The following USP22 variants were observed in gnomAD, a reference collection of about 807,000 sequenced individuals.
USP22 encodes the protein ubiquitin specific peptidase 22, also known as ubiquitin carboxyl-terminal hydrolase 22.
USP22 carries 22 observed loss-of-function variants against 68.1 expected under a neutral mutation model. The ratio of observed to expected loss-of-function variants is 0.32; its 90% CI spans 0.23 to 0.46. The LOEUF (loss-of-function observed/expected upper bound fraction) is 0.46. Among genes scored for constraint, USP22 ranks in the 20% least tolerant of loss-of-function variants. USP22 has a pLI of 1.00. For synonymous variants in USP22, 279 were observed against 274.2 expected (o/e 1.02, Z -0.17); for missense variants, 433 against 695.8 (o/e 0.62, Z 4.25).
At chr17:21,022,777 C>A (rs1597696149) in intron 2 of USP22, among the ~76,000 whole-genome samples, 1 of 132,762 alleles carries the variant, frequency 7.5e-6, no homozygotes. Context: ...CCAGCCTGGG[C>A]AACAGAGCGA....
chr17:21,043,075 G>A (rs564084224), upstream of USP22: 467 of 236,340 alleles, frequency 2.0e-3, 6 homozygotes, highest in African/African-American at 0.01. Context: ...GCGGTTCGCG[G>A]AGGGTGTCGC....
chr17:21,027,617 T>C lies in USP22; in HGVS notation c.304+925A>G, dbSNP rs367704216. Among the ~76,000 whole-genome samples, 40 of 152,314 alleles carry C rather than the reference T, an allele frequency of 2.6e-4. 1 individual carries two copies. In the South Asian group the frequency reaches 8.1e-3, roughly 31 times the overall value. On this transcript the variant is annotated intron_variant, in intron 2 of 12. Coordinates refer to ENST00000261497, the MANE Select transcript of USP22 (RefSeq NM_015276.2). The stretch of plus-strand genomic sequence containing the variant: ...TCTGAAGGATATCCTGCCAACTCCA[T>C]GAGCATTCCAAGGAAAACACTACTG...
chr17:21,007,265 A>C (rs1792640456), intron 9 of USP22, among the ~76,000 whole-genome samples: 1 of 152,198 alleles, frequency 6.6e-6, no homozygotes, highest in African/African-American at 2.4e-5. Context: ...AAAGCACAGA[A>C]AACAAAACAA....
In USP22 at chr17:21,017,161, C is replaced by A. The variant is rs578070172; in HGVS notation, c.690+781G>T. On this transcript the variant is annotated intron_variant, in intron 5 of 12. Coordinates refer to ENST00000261497, the MANE Select transcript of USP22 (RefSeq NM_015276.2). The stretch of plus-strand genomic sequence containing the variant: ...CTTTGCAGGTTGGATAGCCTCTGTC[C>A]AACTGCTCAACTCTGTGGCTGTCCC... 5.9e-5 allele frequency among the ~76,000 whole-genome samples: 9 copies of A among 152,278 alleles called. No individual in the cohort carries two copies. The South Asian group carries it at 1.9e-3, about 32-fold the overall frequency.
At chr17:21,043,305 C>CA (rs1413514001), upstream of USP22, 5 of 68,610 alleles carry the variant, frequency 7.3e-5, no homozygotes, top group African/African-American at 2.5e-4. Flanking sequence ...GGCCACCCCC[C>CA]CCCCCCCCCC....
At chr17:21,004,016 C>A (rs1913690093) in intron 12 of USP22, among the ~76,000 whole-genome samples, 186 bp downstream of exon 12, 1 of 152,176 alleles carries the variant, frequency 6.6e-6, no homozygotes, top group Non-Finnish European at 1.5e-5. Flanking sequence ...TTTGCTCAGG[C>A]ACCTCTTCTC....
intron 4 of USP22, chr17:21,018,399 A>C: frequency 7.7e-6 from 2 of 260,936 alleles, no homozygotes; most frequent in Non-Finnish European, 7.2e-6. Flanking sequence ...GTGAAGCCTA[A>C]TGAACAAACA....
rs1202248059 is a variant in USP22 at position 21,001,605 on chromosome 17, G to C, written c.*1426C>G. The C allele has an allele frequency of 6.6e-6, 1 of 152,148 alleles. No homozygotes were observed. Among genetic ancestry groups the C allele is most frequent in the Non-Finnish European group, 1.5e-5 (1 of 68,040 alleles). 9.4% of individuals were successfully genotyped at this position (152,148 alleles called of 1,614,324 possible). A position where few individuals can be genotyped will look rare whatever the true frequency, so the allele number is the denominator to read the frequency against. The stretch of plus-strand genomic sequence containing the variant: ...AGCCAACAGTGTTTACTCCCTGGCT[G>C]TCTATGAAAACATCTGCCCACCGCT... On this transcript the variant is annotated 3_prime_UTR_variant, in exon 13 of 13. Transcript: ENST00000261497.
At chr17:21,003,711 G>C (rs1019225907) in intron 12 of USP22, among the ~76,000 whole-genome samples, 1 of 152,080 alleles carries the variant, frequency 6.6e-6, no homozygotes, top group African/African-American at 2.4e-5. Flanking sequence ...AAACCAGCCT[G>C]GTCAACATGG....
chr17:21,016,044 T>C, intron 5 of USP22, 145 bp from the exon 6 acceptor site: 1 of 1,137,392 alleles, frequency 8.8e-7, no homozygotes, highest in Non-Finnish European at 1.2e-6. Flanking sequence ...TTTCTACTTT[T>C]TGCAAAGTCT....
chr17:21,006,270 G>A (rs1201975791), intron 10 of USP22, among the ~76,000 whole-genome samples: 1 of 152,196 alleles, frequency 6.6e-6, no homozygotes, highest in Non-Finnish European at 1.5e-5. Flanking sequence ...ATCTACAACT[G>A]CAAAACCAAC....
chr17:21,005,136 A>C (rs1459112723), intron 10 of USP22, 146 bp from the exon 11 acceptor site: 5 of 912,622 alleles, frequency 5.5e-6, no homozygotes, highest in Non-Finnish European at 6.7e-6. Flanking sequence ...AAATCTCCCC[A>C]TGTTTCGTGA....
rs1020777067 is a variant in USP22 at position 21,002,839 on chromosome 17, G to A, written c.*192C>T. The A allele has an allele frequency of 4.7e-6, 3 of 633,956 alleles. No individual in the cohort carries two copies. The highest frequency in any genetic ancestry group is 1.8e-5 in the African/African-American group (1 of 54,672). 39.3% of individuals were successfully genotyped at this position (633,956 alleles called of 1,614,324 possible). On this transcript the variant is annotated 3_prime_UTR_variant, in exon 13 of 13. Coordinates refer to ENST00000261497, the MANE Select transcript of USP22 (RefSeq NM_015276.2). Reference sequence around the variant, plus strand: ...TCATCCATCTTCAAAGCAGCTCCAGGAGCCTCCCCGTCCGTGTGGTCCATC... The same window carrying A: ...TCATCCATCTTCAAAGCAGCTCCAGAAGCCTCCCCGTCCGTGTGGTCCATC...
At chr17:21,029,405 A>G (rs1454063198) in intron 1 of USP22, among the ~76,000 whole-genome samples, 1 of 152,122 alleles carries the variant, frequency 6.6e-6, no homozygotes, top group Admixed American at 6.5e-5. Flanking sequence ...TACACCTACT[A>G]TGTACCCATC....
intron 4 of USP22, 77 bp from the exon 5 acceptor site, chr17:21,018,188 C>CT: frequency 7.2e-7 from 1 of 1,385,826 alleles, no homozygotes. Context: ...GCGGCTTCCT[C>CT]TACCTCTACA....
chr17:21,015,963 C>CA, intron 5 of USP22, 64 bp from the exon 6 acceptor site: 1 of 1,559,428 alleles, frequency 6.4e-7, no homozygotes, highest in Non-Finnish European at 8.7e-7. Context: ...ACAGAGTACA[C>CA]ACAATCAAAA....
Position 21,042,720 on chromosome 17 carries a change from C to A in USP22, c.116G>T (p.Arg39Leu). 1 of 1,459,226 alleles carries A rather than the reference C, an allele frequency of 6.9e-7. No homozygotes were observed. The highest frequency in any genetic ancestry group is 9.1e-7 in the Non-Finnish European group (1 of 1,100,032). The allele number at this position is 1,459,226 out of a possible 1,614,324, so 90.4% of individuals were successfully genotyped here. A position where few individuals can be genotyped will look rare whatever the true frequency, so the allele number is the denominator to read the frequency against. ...CCACACGAAGCACTGGTAGATGGCC[C>A]GCAGGTTCTGCTTCCAGTTGTCCAC... ...FKVDNWKQNL[R>L]AIYQCFVWSG... Residue 39 changes from arginine (R) to leucine (L), a missense_variant, in exon 1 of 13, where the codon CGG becomes CTG. Physicochemically the swap from Arg to Leu is moderately radical, Grantham distance 102 (BLOSUM62 -2). Transcript: ENST00000261497.
At chr17:21,036,855 G>A (rs971596796) in intron 1 of USP22, among the ~76,000 whole-genome samples, 2 of 152,156 alleles carry the variant, frequency 1.3e-5, no homozygotes, top group Non-Finnish European at 2.9e-5. Flanking sequence ...AAGAAGCCAG[G>A]ATATCCCAGT....
At chr17:21,026,411 G>GA (rs1972220015) in intron 2 of USP22, among the ~76,000 whole-genome samples, 1 of 151,936 alleles carries the variant, frequency 6.6e-6, no homozygotes, top group African/African-American at 2.4e-5. Context: ...CCACAGCCTT[G>GA]ACCTCCTAGG....
Sources: gnomAD v4.1 joint callset for allele counts (sites outside exome capture counted in the v4.1 genomes callset) on GRCh38, gnomAD v4.1.1 for gene constraint, MANE v1.5 for transcripts, NCBI Gene and HGNC (gene_info 2026-07-23, HGNC 2026-07-21) for gene names.